The following RXFP1 variants were observed in gnomAD, a reference collection of about 807,000 sequenced individuals.
RXFP1 encodes the protein relaxin family peptide receptor 1.
In RXFP1, 73 loss-of-function variants were observed where a neutral mutation model predicts 89.8. That is an observed-to-expected ratio of 0.81 (90% CI 0.67 to 0.99). The LOEUF (loss-of-function observed/expected upper bound fraction) is 0.99. Among genes scored for constraint, RXFP1 ranks in the 50% least tolerant of loss-of-function variants. RXFP1 has a pLI of 0.00. For synonymous variants in RXFP1, 277 were observed against 305.5 expected (o/e 0.91, Z 0.97); for missense variants, 793 against 895.5 (o/e 0.89, Z 1.46).
In RXFP1 at chr4:158,646,862, A is replaced by G. The variant is rs1372924138; in HGVS notation, c.1417A>G (p.Asn473Asp). 4 of 1,614,070 alleles carry G rather than the reference A, an allele frequency of 2.5e-6. No individual in the cohort carries two copies. Among genetic ancestry groups the G allele is most frequent in the Non-Finnish European group, 2.5e-6 (3 of 1,180,016 alleles). Reference protein sequence around the residue: ...GFDLKFRGEYNKHAQLWMEST... With the variant: ...GFDLKFRGEYDKHAQLWMEST... ...TGACCTAAAGTTTCGTGGAGAATAC[A>G]ATAAGCATGCGCAGCTGTGGATGGA... Residue 473 changes from asparagine to aspartate, a missense_variant, in exon 16 of 18, where the codon AAT (asparagine) becomes GAT (aspartate). Asn to Asp is a conservative substitution (Grantham distance 23, BLOSUM62 1). Transcript: ENST00000307765.
intron 1 of RXFP1, among the ~76,000 whole-genome samples, chr4:158,565,251 A>G (rs114199945): frequency 0.012 from 1,799 of 152,322 alleles, 26 homozygotes; most frequent in Middle Eastern, 0.037. Context: ...ATGTAAAGGG[A>G]GAAAATTAGA....
chr4:158,531,037 G>A (rs1743914111), intron 1 of RXFP1, among the ~76,000 whole-genome samples: 1 of 152,094 alleles, frequency 6.6e-6, no homozygotes, highest in Non-Finnish European at 1.5e-5. Flanking sequence ...ATCCCCTAGA[G>A]GCTTTGAGTC....
chr4:158,531,594 C>T (rs966480685), intron 1 of RXFP1, among the ~76,000 whole-genome samples: 1 of 152,098 alleles, frequency 6.6e-6, no homozygotes, highest in Non-Finnish European at 1.5e-5. Flanking sequence ...AAAGGTAATG[C>T]CAGCATTCTC....
At position 158,594,559 on chromosome 4, in the gene RXFP1, AGCACTC is replaced by A. The variant is rs201752217; in HGVS notation, c.286+1061_286+1066del. Among the ~76,000 whole-genome samples the A allele has an allele frequency of 9.5e-3, 1,441 of 152,040 alleles. 19 individuals carry two copies. Among genetic ancestry groups the A allele is most frequent in the African/African-American group, 0.032 (1,317 of 41,414 alleles). ...AATAAATAGTGCTTTGCACATAGTG[AGCACTC>A]AATAAATTATTGTTGAAGTCTATAT... is the stretch of plus-strand genomic sequence containing the variant. On this transcript the variant is annotated intron_variant, in intron 3 of 17. Coordinates refer to ENST00000307765, the MANE Select transcript of RXFP1 (RefSeq NM_021634.4).
intron 1 of RXFP1, among the ~76,000 whole-genome samples, chr4:158,533,670 G>A (rs970579373): frequency 7.9e-5 from 12 of 152,130 alleles, no homozygotes; most frequent in African/African-American, 2.9e-4. Context: ...CACACAAAAA[G>A]TGTGCTTATC....
chr4:158,633,611 AACC>A (rs1768544181), intron 12 of RXFP1, 135 bp downstream of exon 12: 9 of 533,626 alleles, frequency 1.7e-5, no homozygotes, highest in Admixed American at 3.7e-5. Context: ...ATTGCTGCCC[AACC>A]ACCACCACCA....
intron 2 of RXFP1, among the ~76,000 whole-genome samples, chr4:158,590,443 A>C (rs1281110678): frequency 6.6e-6 from 1 of 152,186 alleles, no homozygotes; most frequent in African/African-American, 2.4e-5. Flanking sequence ...TCCAAGCATG[A>C]GCCACCGTGC....
Position 158,630,094 on chromosome 4 carries a change from A to G in RXFP1, c.899+1385A>G, listed in dbSNP as rs4289401. On this transcript the variant is annotated intron_variant, in intron 11 of 17. Coordinates refer to ENST00000307765, the MANE Select transcript of RXFP1 (RefSeq NM_021634.4). ...TTACTTGGGCACTCAAGAAGTTACAATGTGTTTTTCCTTATGCTAGGTAGA... is the reference window on the plus strand; with the variant it reads ...TTACTTGGGCACTCAAGAAGTTACAGTGTGTTTTTCCTTATGCTAGGTAGA... Among the ~76,000 whole-genome samples, 1,071 of 152,318 alleles carry G rather than the reference A, an allele frequency of 7.0e-3. 13 individuals are homozygous for G. The highest frequency in any genetic ancestry group is 0.025 in the African/African-American group (1,024 of 41,556).
In RXFP1 at chr4:158,618,437, TTAAAATTAAAAATA is replaced by T. The variant is rs1220149483; in HGVS notation, c.755+1246_755+1259del. Among the ~76,000 whole-genome samples, 15 of 152,124 alleles carry T rather than the reference TTAAAATTAAAAATA, an allele frequency of 9.9e-5. No individual in the cohort carries two copies. In the South Asian group the frequency reaches 2.3e-3, roughly 23 times the overall value. On this transcript the variant is annotated intron_variant, in intron 9 of 17. Transcript: ENST00000307765. ...TGATTAAGATGTATTACTAAAAAAA[TTAAAATTAAAAATA>T]TAAAATTAAAAATTTTGTTACTAAA...
At chr4:158,618,139 C>G (rs774132875) in intron 9 of RXFP1, among the ~76,000 whole-genome samples, 1 of 152,044 alleles carries the variant, frequency 6.6e-6, no homozygotes. Context: ...TGAAAACAAG[C>G]TAAAGCCATA....
intron 1 of RXFP1, among the ~76,000 whole-genome samples, chr4:158,566,477 C>A (rs1353503314): frequency 2.0e-5 from 3 of 152,138 alleles, no homozygotes; most frequent in African/African-American, 7.2e-5. Flanking sequence ...GATTCTCCTG[C>A]CTCAGCCTCC....
At chr4:158,528,015 A>G (rs1426376220) in intron 1 of RXFP1, among the ~76,000 whole-genome samples, 1 of 152,220 alleles carries the variant, frequency 6.6e-6, no homozygotes, top group East Asian at 1.9e-4. Flanking sequence ...ATTATCTACC[A>G]AAATCCTAGC....
intron 8 of RXFP1, among the ~76,000 whole-genome samples, chr4:158,614,233 C>G (rs578198299): frequency 6.6e-6 from 1 of 152,258 alleles, no homozygotes; most frequent in African/African-American, 2.4e-5. Flanking sequence ...AGTAAATGAG[C>G]GTTGACTTCC....
chr4:158,627,069 A>G (rs1194361302), intron 10 of RXFP1, among the ~76,000 whole-genome samples, 178 bp downstream of exon 10: 1 of 151,854 alleles, frequency 6.6e-6, no homozygotes, highest in Non-Finnish European at 1.5e-5. Context: ...TTTGCAAATT[A>G]TTATGGTATA....
intron 9 of RXFP1, among the ~76,000 whole-genome samples, chr4:158,620,714 T>G (rs1225787590): frequency 6.6e-6 from 1 of 152,086 alleles, no homozygotes; most frequent in Admixed American, 6.6e-5. Context: ...AAAGATCAAT[T>G]AAGCAAAAAT....
intron 2 of RXFP1, 183 bp downstream of exon 2, chr4:158,573,018 G>GTT (rs149207993): frequency 0.046 from 31,502 of 685,336 alleles, 6 homozygotes; most frequent in East Asian, 0.073. Flanking sequence ...TCTTGTTTTT[G>GTT]TTTTTTTTTG....
At chr4:158,599,136 T>C in intron 3 of RXFP1, 190 bp from the exon 4 acceptor site, 1 of 778,210 alleles carries the variant, frequency 1.3e-6, no homozygotes, top group Non-Finnish European at 2.0e-6. Context: ...TGCTCTACCA[T>C]CATTTTAAGG....
chr4:158,527,562 A>ATATATATATATATATATATAT (rs1553989390), intron 1 of RXFP1, among the ~76,000 whole-genome samples: 6 of 6,914 alleles, frequency 8.7e-4, no homozygotes, highest in African/African-American at 9.4e-4. Flanking sequence ...CAAAAAAAAA[A>ATATATATATATATATATATAT]AAATATATAT....
At chr4:158,564,613 A>G (rs941163400) in intron 1 of RXFP1, among the ~76,000 whole-genome samples, 4 of 152,168 alleles carry the variant, frequency 2.6e-5, no homozygotes, top group Admixed American at 6.5e-5. Flanking sequence ...AAAATTGTCA[A>G]CCACTTAAAA....
Sources: allele counts gnomAD v4.1 joint callset (sites outside exome capture counted in the v4.1 genomes callset), GRCh38; gene constraint gnomAD v4.1.1; transcripts MANE v1.5; gene names NCBI Gene and HGNC (gene_info 2026-07-23, HGNC 2026-07-21).